Variants in GPC5 observed in about 807,000 individuals in gnomAD.
GPC5 encodes glypican 5, also known as glypican-5.
Under a neutral mutation model 53.9 loss-of-function variants are expected in GPC5, and 47 were observed. That is an observed-to-expected ratio of 0.87 (90% CI 0.69 to 1.11). The LOEUF (loss-of-function observed/expected upper bound fraction) is 1.11. GPC5 is among the 50% of genes most tolerant of loss of function. GPC5 has a pLI of 0.00. For synonymous variants in GPC5, 286 were observed against 263.3 expected, an observed-to-expected ratio of 1.09 and a Z score of -0.84; for missense variants, 748 against 713.1, an observed-to-expected ratio of 1.05 and a Z score of -0.56.
rs544933663 is a variant in GPC5 at position 91,989,553 on chromosome 13, T to A, written c.1401+81496T>A. ...GTATGGTTATTGCTTTGGTGTAAAA[T>A]CTTGCATTCAAGGATTACATACAAA... On this transcript the variant is annotated intron_variant, in intron 6 of 7. Coordinates refer to ENST00000377067, the MANE Select transcript of GPC5 (RefSeq NM_004466.6). 6.6e-5 allele frequency among the ~76,000 whole-genome samples: 10 copies of A among 152,300 alleles called. No homozygotes were observed. The East Asian group carries it at 1.7e-3, about 26-fold the overall frequency.
At chr13:92,188,224 C>A (rs2042198264) in intron 7 of GPC5, among the ~76,000 whole-genome samples, 1 of 152,138 alleles carries the variant, frequency 6.6e-6, no homozygotes, top group African/African-American at 2.4e-5. Flanking sequence ...AGATAGCCTT[C>A]CATGCAGTTC....
chr13:92,079,201 G>C (rs1207778002), intron 6 of GPC5, among the ~76,000 whole-genome samples: 2 of 151,946 alleles, frequency 1.3e-5, no homozygotes, highest in Admixed American at 1.3e-4. Context: ...ACAGGCACCC[G>C]CCACCATGCC....
At chr13:92,834,344 C>T (rs563299029) in intron 7 of GPC5, among the ~76,000 whole-genome samples, 5 of 152,176 alleles carry the variant, frequency 3.3e-5, no homozygotes, top group African/African-American at 7.2e-5. Context: ...ATTTTAAAAG[C>T]GGAACTGAAG....
At chr13:91,777,231 G>C (rs558107586) in intron 5 of GPC5, among the ~76,000 whole-genome samples, 1 of 152,226 alleles carries the variant, frequency 6.6e-6, no homozygotes, top group African/African-American at 2.4e-5. Context: ...AATGAAAGTG[G>C]AATTTGTTAT....
chr13:91,744,973 A>G (rs548140826), intron 4 of GPC5, among the ~76,000 whole-genome samples: 3 of 152,130 alleles, frequency 2.0e-5, no homozygotes, highest in Admixed American at 6.6e-5. Context: ...AAAAATTATA[A>G]GAGGTAGACA....
intron 7 of GPC5, among the ~76,000 whole-genome samples, chr13:92,587,512 T>C (rs1883574912): frequency 1.4e-5 from 2 of 143,688 alleles, no homozygotes; most frequent in African/African-American, 5.0e-5. Context: ...GGCAATATTT[T>C]GTTAAAACAG....
At chr13:91,640,211 G>T (rs1469757093) in intron 2 of GPC5, among the ~76,000 whole-genome samples, 1 of 152,132 alleles carries the variant, frequency 6.6e-6, no homozygotes, top group Admixed American at 6.5e-5. Context: ...AACCTACAGA[G>T]TGGGAGAAAA....
At chr13:91,697,014 A>C (rs1381561707) in intron 3 of GPC5, among the ~76,000 whole-genome samples, 1 of 152,190 alleles carries the variant, frequency 6.6e-6, no homozygotes, top group African/African-American at 2.4e-5. Context: ...GGGTGATGAA[A>C]TACCATAATA....
chr13:92,858,728 G>A (rs1288948736), intron 7 of GPC5, among the ~76,000 whole-genome samples: 2 of 152,038 alleles, frequency 1.3e-5, no homozygotes, highest in African/African-American at 2.4e-5. Flanking sequence ...TGGGTGATGG[G>A]ATCACCAGAA....
chr13:92,758,364 T>C (rs1419057972), intron 7 of GPC5, among the ~76,000 whole-genome samples: 3 of 148,124 alleles, frequency 2.0e-5, no homozygotes, highest in East Asian at 4.2e-4. Flanking sequence ...TTGGGAGATA[T>C]ACCTAATGCT....
At chr13:92,549,935 TACTTTGGAGGCTTG>T (rs1566288709) in intron 7 of GPC5, among the ~76,000 whole-genome samples, 1 of 150,392 alleles carries the variant, frequency 6.6e-6, no homozygotes, top group African/African-American at 2.5e-5. Context: ...CTTTTTTGTA[TACTTTGGAGGCTTG>T]ATATAGCTAT....
At chr13:92,809,878 A>C (rs1252120296) in intron 7 of GPC5, among the ~76,000 whole-genome samples, 1 of 152,122 alleles carries the variant, frequency 6.6e-6, no homozygotes, top group African/African-American at 2.4e-5. Context: ...AAACGATGAC[A>C]AGTCCTAGAG....
chr13:91,429,079 C>T (rs1051101681), intron 1 of GPC5, among the ~76,000 whole-genome samples: 1 of 152,094 alleles, frequency 6.6e-6, no homozygotes, highest in African/African-American at 2.4e-5. Flanking sequence ...ACCACTGAAC[C>T]TGGCTAATTT....
intron 7 of GPC5, among the ~76,000 whole-genome samples, chr13:92,587,580 A>G (rs1301871678): frequency 6.8e-6 from 1 of 147,616 alleles, no homozygotes; most frequent in Admixed American, 6.8e-5. Context: ...CTCCTGCAGA[A>G]GAATATTTGA....
chr13:92,041,439 C>T (rs2040940860), intron 6 of GPC5, among the ~76,000 whole-genome samples: 1 of 152,160 alleles, frequency 6.6e-6, no homozygotes, highest in African/African-American at 2.4e-5. Context: ...CCTTGACGGG[C>T]AGAAGACTCA....
intron 1 of GPC5, among the ~76,000 whole-genome samples, chr13:91,443,969 G>A (rs1019792117): frequency 1.3e-5 from 2 of 152,078 alleles, no homozygotes; most frequent in African/African-American, 2.4e-5. Flanking sequence ...TCCCATATTA[G>A]ACTCACAACA....
Position 91,936,299 on chromosome 13 carries a change from T to C in GPC5, c.1401+28242T>C, listed in dbSNP as rs892204859. ...CCTCCTTTGCCTTAATGGAGTCCTC[T>C]TCATTCAGGTAGTGGGTAAGGAATG... On this transcript the variant is annotated intron_variant, in intron 6 of 7. Coordinates refer to ENST00000377067, the MANE Select transcript of GPC5 (RefSeq NM_004466.6). Among the ~76,000 whole-genome samples the C allele has an allele frequency of 3.3e-5, 5 of 152,116 alleles. No individual in the cohort carries two copies. In the South Asian group the frequency reaches 1.0e-3, roughly 32 times the overall value.
intron 6 of GPC5, among the ~76,000 whole-genome samples, chr13:92,074,773 T>C (rs2041239421): frequency 1.3e-5 from 2 of 152,072 alleles, no homozygotes; most frequent in African/African-American, 2.4e-5. Flanking sequence ...ACCAGAATAA[T>C]AGGAGGGTAG....
At chr13:91,747,205 T>C (rs531857083) in intron 4 of GPC5, among the ~76,000 whole-genome samples, 10 of 152,226 alleles carry the variant, frequency 6.6e-5, no homozygotes, top group Non-Finnish European at 1.5e-4. Context: ...CAGTTGGAAG[T>C]GTTACTCAAT....
Sources: allele counts gnomAD v4.1 joint callset (sites outside exome capture counted in the v4.1 genomes callset), GRCh38; gene constraint gnomAD v4.1.1; transcripts MANE v1.5; gene names NCBI Gene and HGNC (gene_info 2026-07-23, HGNC 2026-07-21).